Variants in PAM observed in about 807,000 individuals in gnomAD.
PAM encodes the protein peptidylglycine alpha-amidating monooxygenase.
Under a neutral mutation model 122.1 loss-of-function variants are expected in PAM, and 72 were observed. That is an observed-to-expected ratio of 0.59 (90% CI 0.49 to 0.72). The LOEUF is 0.72. PAM is among the 30% of genes least tolerant of loss of function. The pLI, the probability that PAM is intolerant of heterozygous loss-of-function variation, is 0.00. For synonymous variants in PAM, 389 were observed against 404.4 expected, an observed-to-expected ratio of 0.96 and a Z score of 0.46; for missense variants, 1,106 against 1,183.7, an observed-to-expected ratio of 0.93 and a Z score of 0.96.
At chr5:102,860,684 T>C (rs536269840) in intron 1 of PAM, among the ~76,000 whole-genome samples, 99 of 150,792 alleles carry the variant, frequency 6.6e-4, no homozygotes, top group African/African-American at 2.1e-3. Flanking sequence ...TGAGACCCTG[T>C]CTCAAAAAAA....
chr5:102,832,441 A>G (rs933622955), intron 1 of PAM, among the ~76,000 whole-genome samples: 10 of 152,062 alleles, frequency 6.6e-5, no homozygotes, highest in African/African-American at 1.9e-4. Context: ...CTGGAACCAT[A>G]ATAGTACTGA....
chr5:103,026,699 G>A (rs930356372), intron 24 of PAM, among the ~76,000 whole-genome samples: 1 of 152,150 alleles, frequency 6.6e-6, no homozygotes, highest in East Asian at 1.9e-4. Flanking sequence ...TTAATAAATT[G>A]TTGTTGAAAG....
intron 1 of PAM, among the ~76,000 whole-genome samples, chr5:102,844,889 G>A (rs73191094): frequency 0.014 from 2,183 of 152,232 alleles, 45 homozygotes; most frequent in African/African-American, 0.05. Context: ...AAGTGAACAG[G>A]AGTAGTTTTT....
At chr5:102,874,087 A>G (rs999518334) in intron 3 of PAM, among the ~76,000 whole-genome samples, 2 of 152,188 alleles carry the variant, frequency 1.3e-5, no homozygotes, top group Non-Finnish European at 2.9e-5. Context: ...CATTTTACCA[A>G]TGGGAAAGCT....
intron 12 of PAM, among the ~76,000 whole-genome samples, chr5:102,953,971 C>T (rs1759848778): frequency 6.6e-6 from 1 of 152,172 alleles, no homozygotes; most frequent in South Asian, 2.1e-4. Flanking sequence ...CAAGATCATG[C>T]CATTGCGCTT....
chr5:102,990,345 A>C lies in PAM; in HGVS notation c.1557A>C (p.Leu519=). The C allele has an allele frequency of 6.2e-7, 1 of 1,610,118 alleles. No individual in the cohort carries two copies. ...LLPGQVSGVA[L]DPKNNLVIFH... ...CAGGCCAGGTTTCTGGGGTGGCTCT[A>C]GACCCTAAGAATAACCTGGTGATTT... Residue 519 remains leucine (L), a synonymous_variant, in exon 16 of 26, where the codon CTA becomes CTC. Coordinates refer to ENST00000438793, the MANE Select transcript of PAM (RefSeq NM_001177306.2).
In PAM at chr5:103,013,810, G is replaced by A. The variant is rs114354042; in HGVS notation, c.2332-3524G>A. ...AGCCTTTTGTTCACTGGAGCTTTAA[G>A]CCATAGTAACAGGATCTGAATATAA... On this transcript the variant is annotated intron_variant, in intron 21 of 25. Coordinates refer to ENST00000438793, the MANE Select transcript of PAM (RefSeq NM_001177306.2). Among the ~76,000 whole-genome samples the A allele has an allele frequency of 7.9e-3, 1,198 of 152,222 alleles. 21 individuals are homozygous for A. Among genetic ancestry groups the A allele is most frequent in the African/African-American group, 0.026 (1,089 of 41,536 alleles).
intron 1 of PAM, among the ~76,000 whole-genome samples, chr5:102,858,182 G>T (rs1052631068): frequency 1.3e-5 from 2 of 152,154 alleles, no homozygotes; most frequent in African/African-American, 4.8e-5. Flanking sequence ...TTATTTGGAA[G>T]TTCCATTTTT....
chr5:102,958,019 C>G (rs17154869), intron 12 of PAM, among the ~76,000 whole-genome samples: 1 of 152,170 alleles, frequency 6.6e-6, no homozygotes, highest in Non-Finnish European at 1.5e-5. Flanking sequence ...AGAGAACACA[C>G]TGGCCCAAGG....
chr5:102,916,632 A>G (rs1803190756), intron 5 of PAM, among the ~76,000 whole-genome samples: 1 of 147,296 alleles, frequency 6.8e-6, no homozygotes, highest in African/African-American at 2.5e-5. Flanking sequence ...CTTTTTATAT[A>G]TATATATATA....
At chr5:102,974,594 T>A in intron 15 of PAM, 158 bp downstream of exon 15, 1 of 532,232 alleles carries the variant, frequency 1.9e-6, no homozygotes, top group South Asian at 3.2e-5. Flanking sequence ...TCAGATAACA[T>A]CTTTGAAGAT....
Position 102,881,129 on chromosome 5 carries a change from T to TATACACACACACACACACACACACAC in PAM, c.210+13737_210+13738insTACACACACACACACACACACACACA, listed in dbSNP as rs145380302. Among the ~76,000 whole-genome samples, 1,003 of 145,742 alleles carry TATACACACACACACACACACACACAC rather than the reference T, an allele frequency of 6.9e-3. 13 individuals are homozygous for TATACACACACACACACACACACACAC. Among genetic ancestry groups the TATACACACACACACACACACACACAC allele is most frequent in the African/African-American group, 0.025 (966 of 38,390 alleles). On this transcript the variant is annotated intron_variant, in intron 3 of 25. Coordinates refer to ENST00000438793, the MANE Select transcript of PAM (RefSeq NM_001177306.2). ...AAAATTAAAAAATAATTTTTATACATACACACACACACACACACACACACA... is the reference window on the plus strand; with the variant it reads ...AAAATTAAAAAATAATTTTTATACATATACACACACACACACACACACACACACACACACACACACACACACACACA...
intron 1 of PAM, among the ~76,000 whole-genome samples, chr5:102,815,020 C>G (rs988805317): frequency 7.9e-5 from 12 of 151,994 alleles, no homozygotes; most frequent in African/African-American, 2.7e-4. Flanking sequence ...CTTCTCTTTA[C>G]TTTTATTCCT....
intron 4 of PAM, among the ~76,000 whole-genome samples, chr5:102,907,342 G>A (rs1463336380): frequency 2.0e-5 from 3 of 151,570 alleles, no homozygotes; most frequent in East Asian, 3.9e-4. Flanking sequence ...TGGTGTATAT[G>A]TGCCACATTT....
At chr5:102,870,423 T>C (rs1284598478) in intron 3 of PAM, among the ~76,000 whole-genome samples, 1 of 152,126 alleles carries the variant, frequency 6.6e-6, no homozygotes, top group East Asian at 1.9e-4. Flanking sequence ...ACAGATGGAA[T>C]ACAAGCCTAG....
chr5:102,819,023 G>T lies in PAM; in HGVS notation c.-373-46800G>T, dbSNP rs144599311. On this transcript the variant is annotated intron_variant, in intron 1 of 25. Coordinates refer to ENST00000438793, the MANE Select transcript of PAM (RefSeq NM_001177306.2). Reference sequence around the variant, plus strand: ...TGATGCCAAAATATTTGATGGTAGTGAGAGGGCGAAAGAGAATAACTGAGC... The same window carrying T: ...TGATGCCAAAATATTTGATGGTAGTTAGAGGGCGAAAGAGAATAACTGAGC... 3.0e-3 allele frequency among the ~76,000 whole-genome samples: 450 copies of T among 152,258 alleles called. 2 individuals are homozygous for T. Among genetic ancestry groups the T allele is most frequent in the African/African-American group, 0.01 (424 of 41,544 alleles).
At chr5:102,940,847 T>C (rs1404771662) in intron 7 of PAM, among the ~76,000 whole-genome samples, 1 of 152,114 alleles carries the variant, frequency 6.6e-6, no homozygotes, top group Non-Finnish European at 1.5e-5. Flanking sequence ...ACATGGGTGT[T>C]AGTTTTTTAA....
rs1013401015 is a variant in PAM at position 102,808,192 on chromosome 5, C to G, written c.-374+52844C>G. ...AATAAAGCCCCTCTCTCTCGTTGCT[C>G]GCTTTCCAGTGTGATTTCAGACATC... On this transcript the variant is annotated intron_variant, in intron 1 of 25. Transcript: ENST00000438793. The G allele has an allele frequency of 2.0e-5, 3 of 152,174 alleles. No homozygotes were observed. The East Asian group carries it at 5.8e-4, about 29-fold the overall frequency. The allele number at this position is 152,174 out of a possible 1,614,324, so 9.4% of individuals were successfully genotyped here. A position where few individuals can be genotyped will look rare whatever the true frequency, so the allele number is the denominator to read the frequency against.
At chr5:102,770,729 G>C (rs1464498295) in intron 1 of PAM, among the ~76,000 whole-genome samples, 1 of 151,938 alleles carries the variant, frequency 6.6e-6, no homozygotes, top group African/African-American at 2.4e-5. Flanking sequence ...TGGTCATGAT[G>C]AATGATCTTT....
Sources: allele counts gnomAD v4.1 joint callset (sites outside exome capture counted in the v4.1 genomes callset), GRCh38; gene constraint gnomAD v4.1.1; transcripts MANE v1.5; gene names NCBI Gene and HGNC (gene_info 2026-07-23, HGNC 2026-07-21).